ABCD3: variants seen among roughly 807,000 people sequenced by gnomAD.
The protein encoded by ABCD3 is ATP binding cassette subfamily D member 3, also known as ATP-binding cassette sub-family D member 3.
ABCD3 carries 41 observed loss-of-function variants against 105.5 expected under a neutral mutation model. That is an observed-to-expected ratio of 0.39 (90% CI 0.30 to 0.50). The LOEUF is 0.50. Ranked by LOEUF, ABCD3 falls within the 20% of genes least tolerant of loss-of-function variation. The probability of loss-of-function intolerance (pLI) is 0.84; values close to 1 mark genes in which losing one functional copy is unlikely to be tolerated. For missense variants in ABCD3, 622 were observed against 806.3 expected (o/e 0.77, Z 2.77); for synonymous variants, 258 against 269.0 (o/e 0.96, Z 0.40).
chr1:94,452,130 CA>C (rs374562189), intron 1 of ABCD3, among the ~76,000 whole-genome samples: 6 of 152,242 alleles, frequency 3.9e-5, no homozygotes, highest in African/African-American at 1.4e-4. Flanking sequence ...CTAACTGGTA[CA>C]GTTTTGAGAC....
At chr1:94,408,949 T>G in the ABCD3 span, among the ~76,000 whole-genome samples, 396 of 152,278 alleles carry the variant, frequency 2.6e-3, 3 homozygotes, top group African/African-American at 9.2e-3. Context: ...ACATTCATGT[T>G]GTTATACACT....
Position 94,475,204 on chromosome 1 carries a change from T to C in ABCD3, c.467T>C (p.Val156Ala), listed in dbSNP as rs1258059142. ...AATGAGCTTAAACTGTGCTTCCGAG[T>C]AAGGCTCACTAAATACCTCTATGAG... Reference protein sequence around the residue: ...GLNELKLCFRVRLTKYLYEEY... With the variant: ...GLNELKLCFRARLTKYLYEEY... Residue 156 changes from valine (V) to alanine (A), a missense_variant, in exon 6 of 23, where the codon GTA (valine) becomes GCA (alanine). Val to Ala is a moderately conservative substitution (Grantham distance 64). This residue lies in a region of ABCD3 where 245 missense variants were observed against 356.4 expected (regional missense o/e 0.69). Coordinates refer to ENST00000370214, the MANE Select transcript of ABCD3 (RefSeq NM_002858.4). 1.7e-5 allele frequency: 27 copies of C among 1,603,620 alleles called. No homozygotes were observed. Among genetic ancestry groups the C allele is most frequent in the Non-Finnish European group, 2.3e-5 (27 of 1,174,020 alleles).
At chr1:94,405,583 C>T in the ABCD3 span, among the ~76,000 whole-genome samples, 9 of 152,198 alleles carry the variant, frequency 5.9e-5, no homozygotes, top group Admixed American at 1.3e-4. Flanking sequence ...GGATTACAGG[C>T]ATGAGACACC....
intron 18 of ABCD3, 48 bp downstream of exon 18, chr1:94,498,896 T>C (rs1357845755): frequency 1.2e-6 from 2 of 1,611,148 alleles, no homozygotes; most frequent in Non-Finnish European, 1.7e-6. Flanking sequence ...TTTTTGTTTA[T>C]TTATTTTTTC....
intron 21 of ABCD3, among the ~76,000 whole-genome samples, chr1:94,512,209 C>T (rs894487091): frequency 6.6e-6 from 1 of 151,994 alleles, no homozygotes; most frequent in Non-Finnish European, 1.5e-5. Flanking sequence ...TTCCTTCTGA[C>T]AGACAGGACC....
intron 1 of ABCD3, among the ~76,000 whole-genome samples, chr1:94,420,824 A>G (rs1391338970): frequency 1.3e-5 from 2 of 152,156 alleles, no homozygotes; most frequent in African/African-American, 4.8e-5. Flanking sequence ...TAATTTTAAT[A>G]TCTGGTGCTT....
chr1:94,418,243 C>T (rs945061590), upstream of ABCD3, among the ~76,000 whole-genome samples: 10 of 152,320 alleles, frequency 6.6e-5, no homozygotes, highest in Non-Finnish European at 1.0e-4. Context: ...GTGCGCAGAG[C>T]GCGTCCCGGG....
intron 21 of ABCD3, among the ~76,000 whole-genome samples, chr1:94,507,501 C>T (rs1476554946): frequency 4.0e-3 from 610 of 151,556 alleles, no homozygotes; most frequent in Non-Finnish European, 6.9e-3. Context: ...TTTGGGTATA[C>T]ACCCAGTAAT....
chr1:94,515,465 ATC>A (rs1188061831), intron 22 of ABCD3, among the ~76,000 whole-genome samples: 1 of 152,032 alleles, frequency 6.6e-6, no homozygotes, highest in African/African-American at 2.4e-5. Flanking sequence ...GCATAGTCTT[ATC>A]ACAAATATGG....
At position 94,418,465 on chromosome 1, in the gene ABCD3, G is replaced by A. The variant is rs771029079; in HGVS notation, c.-14G>A. ...GCCGCGTCCCCTCGCCGGCTCGCTG[G>A]TACCGGCAGTGCCATGGCGGCCTTC... On this transcript the variant is annotated 5_prime_UTR_variant, in exon 1 of 23. Coordinates refer to ENST00000370214, the MANE Select transcript of ABCD3 (RefSeq NM_002858.4). 5 of 1,589,056 alleles carry A rather than the reference G, an allele frequency of 3.1e-6. No individual in the cohort carries two copies. In the Admixed American group the frequency reaches 8.5e-5, roughly 27 times the overall value.
At chr1:94,416,428 T>C (rs924929644), upstream of ABCD3, among the ~76,000 whole-genome samples, 2 of 152,194 alleles carry the variant, frequency 1.3e-5, no homozygotes, top group African/African-American at 4.8e-5. Context: ...TTTACACGTT[T>C]TTCTTCTCTA....
intron 13 of ABCD3, among the ~76,000 whole-genome samples, chr1:94,489,230 C>T (rs1022970659): frequency 6.6e-6 from 1 of 152,062 alleles, no homozygotes; most frequent in Admixed American, 6.6e-5. Flanking sequence ...CATCTTTCCC[C>T]TCTTCAGAGT....
chr1:94,480,131 G>C lies in ABCD3; in HGVS notation c.685-333G>C. On this transcript the variant is annotated intron_variant, in intron 8 of 22. Coordinates refer to ENST00000370214, the MANE Select transcript of ABCD3 (RefSeq NM_002858.4). ...AAGAAAAAGAGGTCTAAGAATTATT[G>C]TGGAATCTTAAGAGATTATCAAGAA... is the stretch of plus-strand genomic sequence containing the variant. The C allele has an allele frequency of 1.7e-5, 5 of 298,316 alleles. No homozygotes were observed. The South Asian group carries it at 2.3e-4, about 14-fold the overall frequency. The allele number at this position is 298,316 out of a possible 1,614,324, so 18.5% of individuals were successfully genotyped here.
intron 21 of ABCD3, chr1:94,514,560 A>C (rs1650841150): frequency 6.6e-6 from 1 of 152,084 alleles, no homozygotes; most frequent in Non-Finnish European, 1.5e-5. Flanking sequence ...TCACTGGGTA[A>C]AACTTCGCCT....
chr1:94,442,030 G>A (rs375864751), intron 1 of ABCD3, among the ~76,000 whole-genome samples: 37 of 152,226 alleles, frequency 2.4e-4, no homozygotes, highest in African/African-American at 8.9e-4. Flanking sequence ...TTTTTAGAAT[G>A]TAAACACTGA....
At chr1:94,402,624 T>C in the ABCD3 span, among the ~76,000 whole-genome samples, 7 of 152,162 alleles carry the variant, frequency 4.6e-5, no homozygotes, top group Non-Finnish European at 7.4e-5. Context: ...ATTGACCCAA[T>C]AATGTCCTCA....
chr1:94,408,640 C>G, the ABCD3 span, among the ~76,000 whole-genome samples: 1 of 151,926 alleles, frequency 6.6e-6, no homozygotes, highest in African/African-American at 2.4e-5. Flanking sequence ...ATGGGCAGAG[C>G]CTGCCATATG....
chr1:94,504,762 C>T (rs765080048), intron 20 of ABCD3, among the ~76,000 whole-genome samples: 1 of 152,090 alleles, frequency 6.6e-6, no homozygotes, highest in Non-Finnish European at 1.5e-5. Flanking sequence ...AAGATGTTCT[C>T]TGGTTACATG....
chr1:94,455,107 A>G (rs560822748), intron 1 of ABCD3, among the ~76,000 whole-genome samples: 44 of 152,362 alleles, frequency 2.9e-4, no homozygotes, highest in Middle Eastern at 3.4e-3. Flanking sequence ...GATCATCTAG[A>G]GCCCACATGT....
Sources: allele counts gnomAD v4.1 joint callset (sites outside exome capture counted in the v4.1 genomes callset), GRCh38; gene constraint gnomAD v4.1.1; regional missense constraint gnomAD v4.1.1; transcripts MANE v1.5; gene names NCBI Gene and HGNC (gene_info 2026-07-23, HGNC 2026-07-21).